Variants in ARF4 observed in about 807,000 individuals in gnomAD.
ARF4 encodes ADP-ribosylation factor 4.
In ARF4, 5 loss-of-function variants were observed where a neutral mutation model predicts 24.3. That is an observed-to-expected ratio of 0.21 (90% CI 0.11 to 0.43). ARF4 has a LOEUF of 0.43. ARF4 is among the 20% of genes least tolerant of loss of function. ARF4 has a pLI of 1.00. For missense variants in ARF4, 107 were observed against 213.0 expected, an observed-to-expected ratio of 0.50 and a Z score of 3.10; for synonymous variants, 62 against 73.5, an observed-to-expected ratio of 0.84 and a Z score of 0.80.
Position 57,596,652 on chromosome 3 carries a change from G to C in ARF4, c.67+422C>G, listed in dbSNP as rs1054469266. ...CAGGGACTGTACACGAAACGCAGAA[G>C]GGGAGGGAAAAGGCTGGAGTTGCTC... On this transcript the variant is annotated intron_variant, in intron 1 of 5. Coordinates refer to ENST00000303436, the MANE Select transcript of ARF4 (RefSeq NM_001660.4). 4.8e-5 allele frequency: 9 copies of C among 187,596 alleles called. No individual in the cohort carries two copies. In the East Asian group the frequency reaches 8.3e-4, roughly 17 times the overall value. The allele number at this position is 187,596 out of a possible 1,614,324, so 11.6% of individuals were successfully genotyped here.
intron 1 of ARF4, among the ~76,000 whole-genome samples, chr3:57,591,243 C>T (rs2070112624): frequency 6.7e-6 from 1 of 149,740 alleles, no homozygotes. Context: ...CACATGCCCA[C>T]ACAAAAACTT....
chr3:57,590,071 C>A (rs149453430), intron 1 of ARF4, among the ~76,000 whole-genome samples: 2,022 of 149,586 alleles, frequency 0.014, 49 homozygotes, highest in African/African-American at 0.047. Flanking sequence ...GCCTGGGCAA[C>A]AGACCAAGAC....
chr3:57,594,233 TAAAC>T (rs1305649000), intron 1 of ARF4, among the ~76,000 whole-genome samples: 2 of 152,100 alleles, frequency 1.3e-5, no homozygotes, highest in Admixed American at 6.6e-5. Flanking sequence ...TCAAAAAAAA[TAAAC>T]AAAATAAAAT....
At chr3:57,593,206 G>A (rs1279515385) in intron 1 of ARF4, among the ~76,000 whole-genome samples, 2 of 151,880 alleles carry the variant, frequency 1.3e-5, no homozygotes, top group East Asian at 1.9e-4. Flanking sequence ...GCAAAACCCT[G>A]TCTCAAAAAA....
chr3:57,588,882 C>G (rs916189261), intron 1 of ARF4, among the ~76,000 whole-genome samples: 1 of 152,110 alleles, frequency 6.6e-6, no homozygotes, highest in Non-Finnish European at 1.5e-5. Context: ...GCAGGTGGAT[C>G]ACCTGAAGTC....
chr3:57,589,906 C>T (rs1242426327), intron 1 of ARF4, among the ~76,000 whole-genome samples: 1 of 142,596 alleles, frequency 7.0e-6, no homozygotes, highest in Non-Finnish European at 1.5e-5. Flanking sequence ...GCCTGGCCAA[C>T]ATGGTGAAAC....
chr3:57,572,776 A>T (rs2069856225), intron 5 of ARF4, among the ~76,000 whole-genome samples: 1 of 152,136 alleles, frequency 6.6e-6, no homozygotes, highest in South Asian at 2.1e-4. Flanking sequence ...CCTTTTAGTA[A>T]ACTTTCTACC....
chr3:57,574,219 G>A (rs1012205465), intron 5 of ARF4, among the ~76,000 whole-genome samples: 1 of 151,926 alleles, frequency 6.6e-6, no homozygotes, highest in Non-Finnish European at 1.5e-5. Flanking sequence ...GATTACAGGC[G>A]TGAGCCACTG....
intron 3 of ARF4, among the ~76,000 whole-genome samples, chr3:57,580,592 G>C (rs1045988056): frequency 6.6e-6 from 1 of 150,744 alleles, no homozygotes; most frequent in African/African-American, 2.4e-5. Context: ...TTTTTTTGTA[G>C]AGACAGGGTT....
intron 1 of ARF4, 86 bp from the exon 2 acceptor site, chr3:57,584,550 A>G: frequency 8.3e-7 from 1 of 1,204,126 alleles, no homozygotes. Flanking sequence ...GTTCAAAACT[A>G]GAAGTTGACT....
At chr3:57,595,299 C>G (rs1441756793) in intron 1 of ARF4, among the ~76,000 whole-genome samples, 5 of 152,158 alleles carry the variant, frequency 3.3e-5, no homozygotes, top group Admixed American at 1.3e-4. Context: ...ACTATGTGTT[C>G]TGGAACATAA....
At chr3:57,585,396 A>C (rs151058334) in intron 1 of ARF4, among the ~76,000 whole-genome samples, 1 of 152,168 alleles carries the variant, frequency 6.6e-6, no homozygotes, top group African/African-American at 2.4e-5. Flanking sequence ...AATGATAATA[A>C]AGGAAGATGA....
intron 1 of ARF4, among the ~76,000 whole-genome samples, chr3:57,595,501 A>G (rs1276152422): frequency 6.6e-6 from 1 of 152,226 alleles, no homozygotes; most frequent in Non-Finnish European, 1.5e-5. Flanking sequence ...AAGAAAAAAT[A>G]CTTTATGAAT....
At chr3:57,590,450 C>T (rs1357766503) in intron 1 of ARF4, among the ~76,000 whole-genome samples, 1 of 152,070 alleles carries the variant, frequency 6.6e-6, no homozygotes, top group African/African-American at 2.4e-5. Flanking sequence ...TGCGCCACTG[C>T]ACTCTAGCCT....
At chr3:57,587,295 GACA>G (rs1427981032) in intron 1 of ARF4, among the ~76,000 whole-genome samples, 1 of 122,916 alleles carries the variant, frequency 8.1e-6, no homozygotes, top group Non-Finnish European at 1.6e-5. Flanking sequence ...CTACAGCCTG[GACA>G]ACAAGAGCGG....
intron 1 of ARF4, among the ~76,000 whole-genome samples, chr3:57,595,978 A>T (rs2070176798): frequency 2.6e-5 from 4 of 152,012 alleles, no homozygotes; most frequent in Admixed American, 6.6e-5. Flanking sequence ...AGAGAAAAAT[A>T]AAACCTCCTC....
Position 57,597,271 on chromosome 3 carries a change from A to G in ARF4, c.-131T>C, listed in dbSNP as rs141871901. ...AGCGGAGGAAGAAAGAGGGAGGCAG[A>G]AACGTCTCAGTGGCCCCTGTGCCGA... On this transcript the variant is annotated 5_prime_UTR_variant, in exon 1 of 6. Coordinates refer to ENST00000303436, the MANE Select transcript of ARF4 (RefSeq NM_001660.4). The G allele has an allele frequency of 1.1e-6, 1 of 883,414 alleles. No individual in the cohort carries two copies. The highest frequency in any genetic ancestry group is 1.6e-5 in the South Asian group (1 of 63,312). 54.7% of individuals were successfully genotyped at this position (883,414 alleles called of 1,614,324 possible).
chr3:57,576,888 A>C (rs148075764), intron 4 of ARF4, among the ~76,000 whole-genome samples: 1 of 152,278 alleles, frequency 6.6e-6, no homozygotes, highest in African/African-American at 2.4e-5. Context: ...TTGGCACAGC[A>C]TAGAGAAAAT....
At chr3:57,597,007 G>A in intron 1 of ARF4, 67 bp downstream of exon 1, 2 of 1,562,206 alleles carry the variant, frequency 1.3e-6, no homozygotes, top group Non-Finnish European at 8.8e-7. Context: ...AACAGGCCCA[G>A]AGGCCACCCC....
Sources: allele counts gnomAD v4.1 joint callset (sites outside exome capture counted in the v4.1 genomes callset), GRCh38; gene constraint gnomAD v4.1.1; transcripts MANE v1.5; gene names NCBI Gene and HGNC (gene_info 2026-07-23, HGNC 2026-07-21).